PRELID2: variants seen among roughly 807,000 people sequenced by gnomAD.
PRELID2 encodes the protein PRELI domain containing 2.
Under a neutral mutation model 28.4 loss-of-function variants are expected in PRELID2, and 25 were observed. The ratio of observed to expected loss-of-function variants is 0.88; its 90% CI spans 0.64 to 1.23. The LOEUF is 1.23. Ranked by LOEUF, PRELID2 falls within the 50% of genes most tolerant of loss-of-function variation. The pLI is 0.00. For missense variants in PRELID2, 201 were observed against 214.4 expected, an observed-to-expected ratio of 0.94 and a Z score of 0.39; for synonymous variants, 76 against 71.6, an observed-to-expected ratio of 1.06 and a Z score of -0.31.
the PRELID2 span, among the ~76,000 whole-genome samples, chr5:145,406,768 G>T: frequency 9.9e-5 from 15 of 152,210 alleles, no homozygotes; most frequent in Non-Finnish European, 1.5e-4. Context: ...GTGAGAGGGG[G>T]TAAAGTCTGC....
rs150497407 is a variant in PRELID2 at position 145,673,255 on chromosome 5, G to A, written n.70+91676C>T. On this transcript the variant is annotated intron_variant and non_coding_transcript_variant, in intron 1 of 2. Coordinates refer to the PRELID2 transcript ENST00000510259. ...CCAGCACCTCAGGAGATGGCTTTTA[G>A]GTATTAACTGCAGCAAAATGATATC... Among the ~76,000 whole-genome samples, 222 of 152,260 alleles carry A rather than the reference G, an allele frequency of 1.5e-3. 1 individual carries two copies. The highest frequency in any genetic ancestry group is 0.01 in the Middle Eastern group (3 of 294).
intron 5 of PRELID2, among the ~76,000 whole-genome samples, chr5:145,780,078 C>T (rs951264116): frequency 1.7e-4 from 26 of 152,084 alleles, no homozygotes; most frequent in African/African-American, 6.0e-4. Context: ...TTTGGGAGGC[C>T]GAGGCAGGTG....
chr5:145,669,262 T>C (rs1754657035), intron 1 of PRELID2, among the ~76,000 whole-genome samples: 1 of 152,118 alleles, frequency 6.6e-6, no homozygotes, highest in South Asian at 2.1e-4. Flanking sequence ...TTTCCTCTGG[T>C]TGTTGGCTAT....
chr5:145,493,756 T>C (rs1207293665), intron 1 of PRELID2, among the ~76,000 whole-genome samples: 3 of 152,188 alleles, frequency 2.0e-5, no homozygotes, highest in Non-Finnish European at 4.4e-5. Flanking sequence ...AAAATCGTTA[T>C]TCCTTCCTAG....
At chr5:145,254,162 C>A in the PRELID2 span, among the ~76,000 whole-genome samples, 1 of 152,074 alleles carries the variant, frequency 6.6e-6, no homozygotes, top group Non-Finnish European at 1.5e-5. Flanking sequence ...ATACAAAATT[C>A]ATGAATAATG....
chr5:145,545,037 T>C (rs1047612469), intron 1 of PRELID2, among the ~76,000 whole-genome samples: 1 of 152,134 alleles, frequency 6.6e-6, no homozygotes, highest in South Asian at 2.1e-4. Context: ...GGCCAATGAA[T>C]TCATATAGAG....
the PRELID2 span, among the ~76,000 whole-genome samples, chr5:145,421,718 T>TG: frequency 6.9e-6 from 1 of 145,182 alleles, no homozygotes; most frequent in African/African-American, 2.5e-5. Context: ...AAGGGTTTTT[T>TG]TGTCTCTATT....
rs372506310 is a variant in PRELID2 at position 145,736,051 on chromosome 5, T to C, written n.70+28880A>G. Among the ~76,000 whole-genome samples the C allele has an allele frequency of 3.6e-4, 55 of 152,268 alleles. 1 individual carries two copies. In the South Asian group the frequency reaches 0.01, roughly 29 times the overall value. On this transcript the variant is annotated intron_variant and non_coding_transcript_variant, in intron 1 of 2. Transcript: ENST00000510259. ...GCCTCTGACATCTGGGAAATGCAAA[T>C]TGAGCATCATTTTAAAATAAAACAA... is the stretch of plus-strand genomic sequence containing the variant.
chr5:145,304,576 G>A, the PRELID2 span, among the ~76,000 whole-genome samples: 2 of 152,042 alleles, frequency 1.3e-5, no homozygotes, highest in Non-Finnish European at 2.9e-5. Context: ...TGATTAATTT[G>A]CTCAATGTCA....
At chr5:145,381,776 A>C in the PRELID2 span, 4 of 152,228 alleles carry the variant, frequency 2.6e-5, no homozygotes, top group Non-Finnish European at 4.4e-5. Context: ...CAAGTTCAAG[A>C]TAATCAACCT....
chr5:145,820,027 G>A lies in PRELID2; in HGVS notation c.134-9C>T, dbSNP rs780638641. ...GACCCCTGTTGATTCATCTAAAAAA[G>A]AAATTTTTTTACACAAAAAAAAATT... On this transcript the variant is annotated splice_polypyrimidine_tract_variant and intron_variant, in intron 2 of 6. Coordinates refer to ENST00000683046, the MANE Select transcript of PRELID2 (RefSeq NM_205846.3). 1.3e-6 allele frequency: 2 copies of A among 1,537,016 alleles called. No individual in the cohort carries two copies. The highest frequency in any genetic ancestry group is 1.8e-6 in the Non-Finnish European group (2 of 1,127,802).
intron 1 of PRELID2, among the ~76,000 whole-genome samples, chr5:145,474,017 GAA>G (rs1277704083): frequency 6.6e-6 from 1 of 152,156 alleles, no homozygotes; most frequent in Non-Finnish European, 1.5e-5. Flanking sequence ...GAACAGTGAA[GAA>G]AAGTGTTTTT....
chr5:145,819,906 C>T, intron 3 of PRELID2, 39 bp downstream of exon 3: 1 of 1,226,310 alleles, frequency 8.2e-7, no homozygotes, highest in Non-Finnish European at 1.2e-6. Context: ...AAAAATTACT[C>T]AATGTTACAA....
At chr5:145,827,188 CAA>C (rs774874238) in intron 1 of PRELID2, among the ~76,000 whole-genome samples, 3 of 152,166 alleles carry the variant, frequency 2.0e-5, no homozygotes, top group Admixed American at 6.5e-5. Flanking sequence ...CATGTACATG[CAA>C]AGAGATGGGG....
intron 1 of PRELID2, among the ~76,000 whole-genome samples, chr5:145,573,147 T>C (rs1753029164): frequency 6.6e-6 from 1 of 152,170 alleles, no homozygotes; most frequent in South Asian, 2.1e-4. Flanking sequence ...TGCCTTCTCC[T>C]GACCCTTTTC....
At chr5:145,592,891 AC>A (rs1459070385) in intron 1 of PRELID2, among the ~76,000 whole-genome samples, 1 of 152,198 alleles carries the variant, frequency 6.6e-6, no homozygotes, top group Non-Finnish European at 1.5e-5. Flanking sequence ...CAATAGTTTG[AC>A]TACACCTTCC....
chr5:145,255,311 G>GA, the PRELID2 span, among the ~76,000 whole-genome samples: 24 of 150,894 alleles, frequency 1.6e-4, no homozygotes, highest in Admixed American at 9.9e-4. Flanking sequence ...AAATCCAGTG[G>GA]AAAAAAAATA....
the PRELID2 span, among the ~76,000 whole-genome samples, chr5:145,234,419 A>G: frequency 6.6e-6 from 1 of 152,158 alleles, no homozygotes; most frequent in Non-Finnish European, 1.5e-5. Flanking sequence ...AAGGTAGAGT[A>G]AATACTTAAT....
the PRELID2 span, among the ~76,000 whole-genome samples, chr5:145,320,748 G>C: frequency 1.8e-4 from 28 of 152,086 alleles, no homozygotes; most frequent in South Asian, 4.1e-4. Flanking sequence ...AAGCAGAAAA[G>C]ACTGAAAAAA....
Sources: allele counts gnomAD v4.1 joint callset (sites outside exome capture counted in the v4.1 genomes callset), GRCh38; gene constraint gnomAD v4.1.1; transcripts MANE v1.5; gene names NCBI Gene and HGNC (gene_info 2026-07-23, HGNC 2026-07-21).